TRIM26: variants seen among roughly 807,000 people sequenced by gnomAD.
TRIM26 encodes tripartite motif containing 26.
TRIM26 carries 16 observed loss-of-function variants against 45.5 expected under a neutral mutation model. The observed-to-expected ratio is 0.35, with a 90% CI of 0.24 to 0.53. The LOEUF (loss-of-function observed/expected upper bound fraction) is 0.53. TRIM26 is among the 20% of genes least tolerant of loss of function. The pLI, the probability that TRIM26 is intolerant of heterozygous loss-of-function variation, is 0.92. For synonymous variants in TRIM26, 273 were observed against 290.4 expected (o/e 0.94, Z 0.61); for missense variants, 442 against 691.1 (o/e 0.64, Z 4.04).
intron 2 of TRIM26, among the ~76,000 whole-genome samples, chr6:30,203,131 C>T (rs1459993922): frequency 6.6e-6 from 1 of 150,488 alleles, no homozygotes; most frequent in East Asian, 1.9e-4. Flanking sequence ...GCAACCTCGG[C>T]CTCCCTGGCT....
At chr6:30,200,868 C>T (rs890528793) in intron 3 of TRIM26, among the ~76,000 whole-genome samples, 167 bp downstream of exon 3, 3 of 152,198 alleles carry the variant, frequency 2.0e-5, no homozygotes, top group Non-Finnish European at 2.9e-5. Flanking sequence ...GGTACACAGA[C>T]GGAAATCTAG....
intron 6 of TRIM26, among the ~76,000 whole-genome samples, chr6:30,195,439 C>T (rs533751984): frequency 6.6e-6 from 1 of 152,246 alleles, no homozygotes; most frequent in Non-Finnish European, 1.5e-5. Flanking sequence ...TGGGCTCAAG[C>T]TGTGACCTGA....
At chr6:30,205,092 T>G (rs1453593910) in intron 1 of TRIM26, among the ~76,000 whole-genome samples, 1 of 151,860 alleles carries the variant, frequency 6.6e-6, no homozygotes, top group Non-Finnish European at 1.5e-5. Flanking sequence ...CAATACAAAA[T>G]TAGCCAGGTG....
At chr6:30,197,530 C>T (rs1233652378) in intron 5 of TRIM26, among the ~76,000 whole-genome samples, 3 of 152,196 alleles carry the variant, frequency 2.0e-5, no homozygotes, top group Admixed American at 6.5e-5. Context: ...TCAGTTCCCC[C>T]CAACCCCATC....
intron 6 of TRIM26, among the ~76,000 whole-genome samples, chr6:30,192,344 C>G (rs1327486339): frequency 6.6e-6 from 1 of 152,160 alleles, no homozygotes. Flanking sequence ...AGCATGCCAC[C>G]TGATCCTGCA....
intron 6 of TRIM26, among the ~76,000 whole-genome samples, chr6:30,195,462 G>A (rs139071303): frequency 6.6e-6 from 1 of 152,204 alleles, no homozygotes; most frequent in African/African-American, 2.4e-5. Flanking sequence ...CCCACCCCAT[G>A]GCCTGGGACA....
Position 30,190,216 on chromosome 6 carries a change from T to C in TRIM26, c.766-181A>G. ...TAAAACAACAAGAAAACAAACAAAA[T>C]CGGCACAATGACAGAAGCCACAATG... is the stretch of plus-strand genomic sequence containing the variant. On this transcript the variant is annotated intron_variant, in intron 6 of 9. Coordinates refer to ENST00000454678, the MANE Select transcript of TRIM26 (RefSeq NM_003449.5). This position sits in a 1 kb window ranked among gnomAD's most constrained non-coding sequence, Gnocchi z 4.3. 1 of 663,944 alleles carries C rather than the reference T, an allele frequency of 1.5e-6. No homozygotes were observed. Among genetic ancestry groups the C allele is most frequent in the Non-Finnish European group, 2.6e-6 (1 of 385,550 alleles). The allele number at this position is 663,944 out of a possible 1,614,324, so 41.1% of individuals were successfully genotyped here.
At chr6:30,212,204 C>CTACAACA in intron 1 of TRIM26, among the ~76,000 whole-genome samples, 1 of 152,256 alleles carries the variant, frequency 6.6e-6, no homozygotes, top group South Asian at 2.1e-4. Flanking sequence ...GAGGGGCATC[C>CTACAACA]TACAACATAC....
Position 30,196,496 on chromosome 6 carries a change from G to A in TRIM26, c.765+20C>T. The A allele has an allele frequency of 6.2e-7, 1 of 1,600,398 alleles. No individual in the cohort carries two copies. The highest frequency in any genetic ancestry group is 8.5e-7 in the Non-Finnish European group (1 of 1,177,378). Reference sequence around the variant, plus strand: ...CCACCGTCCTGGTCCCTGGCGCCCTGCCCAGGGACGGCCTCTCACCTGCAT... The same window carrying A: ...CCACCGTCCTGGTCCCTGGCGCCCTACCCAGGGACGGCCTCTCACCTGCAT... On this transcript the variant is annotated intron_variant, in intron 6 of 9. Coordinates refer to ENST00000454678, the MANE Select transcript of TRIM26 (RefSeq NM_003449.5). The surrounding 1 kb of genome is among the most constrained non-coding windows in gnomAD (Gnocchi z 4.9).
chr6:30,191,319 T>G (rs1391146536), intron 6 of TRIM26, among the ~76,000 whole-genome samples: 1 of 151,458 alleles, frequency 6.6e-6, no homozygotes, highest in Non-Finnish European at 1.5e-5. Flanking sequence ...TATTAATTGA[T>G]TTTTGCCTTC....
rs1459344218 is a variant in TRIM26, at chr6:30,209,030, T to C, written c.-375-4265A>G. On this transcript the variant is annotated intron_variant, in intron 1 of 9. Transcript: ENST00000454678. This position sits in a 1 kb window ranked among gnomAD's most constrained non-coding sequence, Gnocchi z 4.8. ...AATCCTATAGCAGCAGACCAGATAT[T>C]GTGCTCCTCGACCCAACCAGTAAAT... Among the ~76,000 whole-genome samples the C allele has an allele frequency of 1.3e-5, 2 of 151,484 alleles. No individual in the cohort carries two copies. Among genetic ancestry groups the C allele is most frequent in the African/African-American group, 2.4e-5 (1 of 41,264 alleles).
At chr6:30,193,120 A>G (rs9261549) in intron 6 of TRIM26, among the ~76,000 whole-genome samples, 41,772 of 107,012 alleles carry the variant, frequency 0.39, 9,072 homozygotes, top group Non-Finnish European at 0.42. Flanking sequence ...ATATATGTGT[A>G]TATATATATA....
At chr6:30,192,123 A>G (rs772526388) in intron 6 of TRIM26, among the ~76,000 whole-genome samples, 12 of 152,302 alleles carry the variant, frequency 7.9e-5, no homozygotes, top group South Asian at 2.1e-4. Flanking sequence ...ACAGCCACAT[A>G]CAGGGCCTCT....
chr6:30,200,123 A>AT (rs1053533926), intron 3 of TRIM26, among the ~76,000 whole-genome samples: 1 of 152,132 alleles, frequency 6.6e-6, no homozygotes, highest in Non-Finnish European at 1.5e-5. Flanking sequence ...AAATTTAAAA[A>AT]TTTTTTAAAA....
Position 30,185,696 on chromosome 6 carries a change from TG to T in TRIM26, c.*179del. The stretch of plus-strand genomic sequence containing the variant: ...AAAAGAGCCCCATTAGGGCAGTAGA[TG>T]GAGCAACAGCACTGAGTGAGATTTC... On this transcript the variant is annotated 3_prime_UTR_variant, in exon 10 of 10. Coordinates refer to ENST00000454678, the MANE Select transcript of TRIM26 (RefSeq NM_003449.5). The surrounding 1 kb of genome is among the most constrained non-coding windows in gnomAD (Gnocchi z 5.7). 1.4e-6 allele frequency: 1 copy of T among 693,902 alleles called. No homozygotes were observed. The highest frequency in any genetic ancestry group is 2.4e-6 in the Non-Finnish European group (1 of 420,260). The allele number at this position is 693,902 out of a possible 1,614,324, so 43.0% of individuals were successfully genotyped here. A position where few individuals can be genotyped will look rare whatever the true frequency, so the allele number is the denominator to read the frequency against.
chr6:30,193,182 A>ATATATATTT (rs9280916), intron 6 of TRIM26, among the ~76,000 whole-genome samples: 16 of 38,816 alleles, frequency 4.1e-4, no homozygotes, highest in African/African-American at 1.6e-3. Flanking sequence ...ATATATATAT[A>ATATATATTT]TTTTTTTTTT....
chr6:30,208,904 A>ATGTGTGTGTGTG (rs9278612), intron 1 of TRIM26, among the ~76,000 whole-genome samples: 13 of 140,730 alleles, frequency 9.2e-5, no homozygotes, highest in East Asian at 4.2e-4. Flanking sequence ...GATATAGAAT[A>ATGTGTGTGTGTG]TGTGTGTGTG....
chr6:30,201,315 A>G (rs2517612), intron 2 of TRIM26, among the ~76,000 whole-genome samples, 177 bp from the exon 3 acceptor site: 15,778 of 152,250 alleles, frequency 0.1, 991 homozygotes, highest in Non-Finnish European at 0.14. Context: ...AGGGTCTAGT[A>G]CAATAATACA....
chr6:30,203,936 A>G (rs1218246739), intron 2 of TRIM26, among the ~76,000 whole-genome samples: 1 of 152,112 alleles, frequency 6.6e-6, no homozygotes, highest in African/African-American at 2.4e-5. Flanking sequence ...ATTCTTAAAG[A>G]GGTCTGTAGT....
Sources: gnomAD v4.1 joint callset for allele counts (sites outside exome capture counted in the v4.1 genomes callset) on GRCh38, gnomAD v4.1.1 for gene constraint, Gnocchi (gnomAD v3.1) non-coding constraint, MANE v1.5 for transcripts, NCBI Gene and HGNC (gene_info 2026-07-23, HGNC 2026-07-21) for gene names.